The following EPCIP variants were observed in gnomAD, a reference collection of about 807,000 sequenced individuals.
EPCIP encodes exosomal polycystin 1 interacting protein.
At chr21:32,809,984 C>T in the EPCIP span, among the ~76,000 whole-genome samples, 1 of 152,076 alleles carries the variant, frequency 6.6e-6, no homozygotes, top group East Asian at 1.9e-4. Context: ...TTTTAAGCCA[C>T]TCCAAAAAAC....
chr21:32,811,399 T>A, the EPCIP span, among the ~76,000 whole-genome samples: 14 of 152,186 alleles, frequency 9.2e-5, no homozygotes, highest in African/African-American at 3.4e-4. Flanking sequence ...CTCAAAGTGC[T>A]GGGGTTACAA....
the EPCIP span, among the ~76,000 whole-genome samples, chr21:32,791,966 G>A: frequency 1.1e-4 from 16 of 151,044 alleles, no homozygotes; most frequent in South Asian, 1.9e-3. Context: ...GTGCAGTGGC[G>A]CAATCTTGGC....
the EPCIP span, among the ~76,000 whole-genome samples, chr21:32,809,182 C>CGTGT: frequency 0.11 from 12,800 of 120,964 alleles, 1,363 homozygotes; most frequent in African/African-American, 0.14. Context: ...TCGAGGGGTG[C>CGTGT]GTGTGTGTGT....
the EPCIP span, chr21:32,797,407 C>A: frequency 5.7e-6 from 1 of 174,084 alleles, no homozygotes; most frequent in Non-Finnish European, 1.2e-5. Flanking sequence ...CACCATCATA[C>A]CCGACTAATT....
At chr21:32,792,745 T>C in the EPCIP span, among the ~76,000 whole-genome samples, 38 of 152,158 alleles carry the variant, frequency 2.5e-4, no homozygotes, top group Non-Finnish European at 5.0e-4. Context: ...CATCCCTCTC[T>C]CTGGAACACT....
chr21:32,794,940 C>A, the EPCIP span, among the ~76,000 whole-genome samples: 1 of 152,198 alleles, frequency 6.6e-6, no homozygotes, highest in Admixed American at 6.5e-5. Context: ...TCCTGGAATT[C>A]GGGAGACAAA....
At chr21:32,803,000 CAT>C in the EPCIP span, among the ~76,000 whole-genome samples, 2 of 152,182 alleles carry the variant, frequency 1.3e-5, no homozygotes, top group Admixed American at 1.3e-4. Context: ...ACGAGAAAAA[CAT>C]AGCTCATTTT....
the EPCIP span, among the ~76,000 whole-genome samples, chr21:32,809,324 C>A: frequency 3.7e-5 from 5 of 133,618 alleles, no homozygotes; most frequent in Non-Finnish European, 4.8e-5. Flanking sequence ...TTCTTTCTTT[C>A]TTTCTTTCTT....
chr21:32,793,976 T>C, the EPCIP span: 6 of 1,613,892 alleles, frequency 3.7e-6, no homozygotes, highest in Non-Finnish European at 5.1e-6. Context: ...CTCTCTGGAG[T>C]CACTGTCCCC....
the EPCIP span, among the ~76,000 whole-genome samples, chr21:32,811,383 C>T: frequency 1.1e-4 from 16 of 152,304 alleles, no homozygotes; most frequent in African/African-American, 3.6e-4. Flanking sequence ...CCACCCACCA[C>T]AGCCTCTCAA....
chr21:32,791,883 A>G, the EPCIP span, among the ~76,000 whole-genome samples: 1 of 151,882 alleles, frequency 6.6e-6, no homozygotes, highest in Non-Finnish European at 1.5e-5. Flanking sequence ...TTGTATCACA[A>G]TTGCAGTGGA....
chr21:32,792,727 C>T, the EPCIP span, among the ~76,000 whole-genome samples: 1 of 152,142 alleles, frequency 6.6e-6, no homozygotes, highest in African/African-American at 2.4e-5. Context: ...CTCCAATTTT[C>T]ACTGCTGCAT....
the EPCIP span, among the ~76,000 whole-genome samples, chr21:32,794,643 G>A: frequency 6.6e-6 from 1 of 152,196 alleles, no homozygotes; most frequent in Non-Finnish European, 1.5e-5. Flanking sequence ...CAGGCACTGG[G>A]CAAGCTCTTT....
the EPCIP span, chr21:32,794,568 T>A: frequency 4.3e-5 from 32 of 743,500 alleles, no homozygotes; most frequent in African/African-American, 4.8e-4. Context: ...AAAAAACAAG[T>A]TGTAAACATT....
At chr21:32,805,397 C>G in the EPCIP span, among the ~76,000 whole-genome samples, 1 of 152,110 alleles carries the variant, frequency 6.6e-6, no homozygotes, top group Non-Finnish European at 1.5e-5. Context: ...CTCTGTCACC[C>G]AGGCTGGAGT....
At chr21:32,808,196 C>G in the EPCIP span, among the ~76,000 whole-genome samples, 2 of 152,008 alleles carry the variant, frequency 1.3e-5, no homozygotes, top group African/African-American at 4.8e-5. Context: ...GCAAAGCTAA[C>G]TCAGGGAGAG....
chr21:32,811,720 G>A, the EPCIP span, among the ~76,000 whole-genome samples: 13 of 152,300 alleles, frequency 8.5e-5, no homozygotes, highest in South Asian at 8.3e-4. Context: ...TAAAGTTCAC[G>A]TGTTGGAAAC....
chr21:32,791,561 G>A, the EPCIP span: 1 of 150,910 alleles, frequency 6.6e-6, no homozygotes, highest in South Asian at 2.1e-4. Context: ...GCAGTACAAT[G>A]TCAGTAATGA....
chr21:32,794,081 G>A, the EPCIP span: 1 of 1,614,236 alleles, frequency 6.2e-7, no homozygotes, highest in Admixed American at 1.7e-5. Flanking sequence ...CAGGTATTCA[G>A]TGGGGAGAGT....
Sources: gnomAD v4.1 joint callset for allele counts (sites outside exome capture counted in the v4.1 genomes callset) on GRCh38, gnomAD v4.1.1 for gene constraint, MANE v1.5 for transcripts, NCBI Gene and HGNC (gene_info 2026-07-23, HGNC 2026-07-21) for gene names.